Variants in CDH13 observed in about 807,000 individuals in gnomAD.
The protein encoded by CDH13 is cadherin 13.
Under a neutral mutation model 63.8 loss-of-function variants are expected in CDH13, and 24 were observed. The observed-to-expected ratio is 0.38, with a 90% confidence interval of 0.27 to 0.53. The LOEUF (loss-of-function observed/expected upper bound fraction) is 0.53. Ranked by LOEUF, CDH13 falls within the 20% of genes least tolerant of loss-of-function variation. The pLI, the probability that CDH13 is intolerant of heterozygous loss-of-function variation, is 0.85. For missense variants in CDH13, 1,049 were observed against 903.1 expected (o/e 1.16, Z -2.07); for synonymous variants, 503 against 355.3 (o/e 1.42, Z -4.67).
At chr16:83,208,519 G>A (rs368063071) in intron 4 of CDH13, among the ~76,000 whole-genome samples, 4 of 151,856 alleles carry the variant, frequency 2.6e-5, no homozygotes, top group East Asian at 3.9e-4. Context: ...TTCTAAATTA[G>A]CATATGCATG....
chr16:82,627,707 C>A (rs898290705), intron 1 of CDH13, among the ~76,000 whole-genome samples: 2 of 152,248 alleles, frequency 1.3e-5, no homozygotes, highest in African/African-American at 4.8e-5. Context: ...GAGCCTCAGC[C>A]CGGCTGCTGC....
chr16:82,817,451 C>T (rs921923846), intron 1 of CDH13, among the ~76,000 whole-genome samples: 1 of 152,110 alleles, frequency 6.6e-6, no homozygotes, highest in Non-Finnish European at 1.5e-5. Context: ...ATAACAGTGA[C>T]AAAATACTCT....
chr16:82,857,391 G>C (rs2039745919), intron 1 of CDH13, among the ~76,000 whole-genome samples: 1 of 152,198 alleles, frequency 6.6e-6, no homozygotes, highest in South Asian at 2.1e-4. Context: ...AGTATGTGTG[G>C]TAGGTGCTCA....
intron 10 of CDH13, among the ~76,000 whole-genome samples, chr16:83,733,370 G>T (rs1179397748): frequency 6.6e-6 from 1 of 152,170 alleles, no homozygotes; most frequent in Non-Finnish European, 1.5e-5. Flanking sequence ...GGACCCTGCA[G>T]CCCTCCCGGT....
At chr16:83,292,027 A>G (rs2089478149) in intron 5 of CDH13, among the ~76,000 whole-genome samples, 1 of 152,194 alleles carries the variant, frequency 6.6e-6, no homozygotes, top group Admixed American at 6.5e-5. Flanking sequence ...TCCTTGAGGT[A>G]TCATTTTTCA....
intron 13 of CDH13, among the ~76,000 whole-genome samples, chr16:83,789,784 C>G (rs1486598345): frequency 1.3e-4 from 20 of 152,098 alleles, no homozygotes; most frequent in Non-Finnish European, 2.8e-4. Flanking sequence ...AAGACACAGA[C>G]CAAATCTGGT....
At chr16:82,977,625 T>A (rs962373200) in intron 2 of CDH13, among the ~76,000 whole-genome samples, 1 of 152,144 alleles carries the variant, frequency 6.6e-6, no homozygotes, top group African/African-American at 2.4e-5. Flanking sequence ...TGCAGAACCG[T>A]GAGTCAATTG....
At chr16:83,381,735 T>C (rs918628623) in intron 6 of CDH13, among the ~76,000 whole-genome samples, 1 of 151,010 alleles carries the variant, frequency 6.6e-6, no homozygotes, top group Non-Finnish European at 1.5e-5. Flanking sequence ...AAAAAAAAAG[T>C]ACCAAGAGGA....
At chr16:83,385,302 A>T (rs1387753983) in intron 6 of CDH13, among the ~76,000 whole-genome samples, 1 of 152,232 alleles carries the variant, frequency 6.6e-6, no homozygotes, top group Non-Finnish European at 1.5e-5. Flanking sequence ...ATGCCTCATT[A>T]GGCAGCTAAG....
At chr16:83,244,172 A>G (rs538174386) in intron 5 of CDH13, among the ~76,000 whole-genome samples, 2 of 152,094 alleles carry the variant, frequency 1.3e-5, no homozygotes, top group African/African-American at 4.8e-5. Context: ...ATTTTCATCT[A>G]CAGCTCTGTT....
intron 6 of CDH13, among the ~76,000 whole-genome samples, chr16:83,454,951 C>T (rs1472350848): frequency 6.6e-6 from 1 of 152,102 alleles, no homozygotes; most frequent in African/African-American, 2.4e-5. Context: ...CTCAAGTGAT[C>T]CACCCGCCTC....
In CDH13 at chr16:83,316,671, C is replaced by G. The variant is rs149833161; in HGVS notation, c.637-28191C>G. 8.7e-4 allele frequency among the ~76,000 whole-genome samples: 133 copies of G among 152,286 alleles called. 1 individual carries two copies. The highest frequency in any genetic ancestry group is 3.2e-3 in the African/African-American group (133 of 41,572). ...AGCTCATTATCTGATGCAGTCTATG[C>G]AGAGTTTAATGTTAGAAATACCAGC... On this transcript the variant is annotated intron_variant, in intron 5 of 13. Transcript: ENST00000567109.
Position 83,047,178 on chromosome 16 carries a change from A to G in CDH13, c.366+14960A>G, listed in dbSNP as rs1917870163. On this transcript the variant is annotated intron_variant, in intron 3 of 13. Coordinates refer to ENST00000567109, the MANE Select transcript of CDH13 (RefSeq NM_001257.5). This position sits in a 1 kb window ranked among gnomAD's most constrained non-coding sequence, Gnocchi z 4.9. Reference sequence around the variant, plus strand: ...ACCCAAGGAAAGGTCTGCAGACTATAAGCAGACTTTATCTGAAGACCACCT... The same window carrying G: ...ACCCAAGGAAAGGTCTGCAGACTATGAGCAGACTTTATCTGAAGACCACCT... 6.6e-6 allele frequency among the ~76,000 whole-genome samples: 1 copy of G among 152,304 alleles called. No individual in the cohort carries two copies. Among genetic ancestry groups the G allele is most frequent in the East Asian group, 1.9e-4 (1 of 5,184 alleles).
At chr16:82,894,174 C>T (rs941601996) in intron 2 of CDH13, among the ~76,000 whole-genome samples, 7 of 152,244 alleles carry the variant, frequency 4.6e-5, no homozygotes, top group East Asian at 1.9e-4. Context: ...AGGCTGGTCT[C>T]GAACTCCTGG....
chr16:83,778,088 G>T (rs1344485550), intron 11 of CDH13, among the ~76,000 whole-genome samples: 2 of 152,162 alleles, frequency 1.3e-5, no homozygotes, highest in African/African-American at 4.8e-5. Flanking sequence ...TATGAATTTG[G>T]CTCTAACCTT....
intron 1 of CDH13, among the ~76,000 whole-genome samples, chr16:82,843,561 G>T (rs2039122054): frequency 6.6e-6 from 1 of 151,968 alleles, no homozygotes; most frequent in South Asian, 2.1e-4. Flanking sequence ...TTCAGAGTGA[G>T]AACCTTTAGC....
intron 2 of CDH13, among the ~76,000 whole-genome samples, chr16:82,978,352 C>G (rs1909804454): frequency 6.6e-6 from 1 of 152,192 alleles, no homozygotes; most frequent in Admixed American, 6.5e-5. Flanking sequence ...TAATGAGGAG[C>G]AAAATATTAA....
chr16:83,281,183 A>G (rs1280712572), intron 5 of CDH13, among the ~76,000 whole-genome samples: 1 of 152,246 alleles, frequency 6.6e-6, no homozygotes, highest in Non-Finnish European at 1.5e-5. Flanking sequence ...ACTTTCATCA[A>G]CGATCTTAGC....
chr16:82,786,248 A>T (rs975596420), intron 1 of CDH13, among the ~76,000 whole-genome samples: 2 of 152,202 alleles, frequency 1.3e-5, no homozygotes, highest in South Asian at 4.1e-4. Context: ...AAAGAAATTT[A>T]GAAGTCATAT....
Sources: allele counts gnomAD v4.1 joint callset (sites outside exome capture counted in the v4.1 genomes callset), GRCh38; gene constraint gnomAD v4.1.1; non-coding constraint Gnocchi (gnomAD v3.1); transcripts MANE v1.5; gene names NCBI Gene and HGNC (gene_info 2026-07-23, HGNC 2026-07-21).